Variants in PCDHA13 observed in about 807,000 individuals in gnomAD.
The protein encoded by PCDHA13 is protocadherin alpha-13.
A neutral mutation model predicts 64.8 loss-of-function variants in PCDHA13; 54 were observed. That is an observed-to-expected ratio of 0.83 (90% CI 0.67 to 1.04). The LOEUF is 1.04. Among genes scored for constraint, PCDHA13 ranks in the 50% least tolerant of loss-of-function variants. The pLI is 0.00. For synonymous variants in PCDHA13, 587 were observed against 564.4 expected (o/e 1.04, Z -0.57); for missense variants, 1,248 against 1,254.3 (o/e 0.99, Z 0.08).
chr5:140,915,252 GTTA>G (rs1291041483), intron 1 of PCDHA13, among the ~76,000 whole-genome samples: 2 of 152,012 alleles, frequency 1.3e-5, no homozygotes, highest in African/African-American at 4.8e-5. Flanking sequence ...TGGCCAGGTT[GTTA>G]TTATTTTTGA....
chr5:140,882,333 C>A lies in PCDHA13; in HGVS notation c.65C>A (p.Ala22Glu). ...CTACTGCTCTGGCTTCTGATCCTCG[C>A]AGCCTGGGAGACGGGTAGTGGCCAG... ...RQLLLWLLIL[A>E]AWETGSGQLH... Residue 22 changes from alanine to glutamate, a missense_variant, in exon 1 of 4, where the codon GCA becomes GAA. Physicochemically the swap from Ala to Glu is moderately radical, Grantham distance 107. Coordinates refer to ENST00000289272, the MANE Select transcript of PCDHA13 (RefSeq NM_018904.3). The A allele has an allele frequency of 6.2e-7, 1 of 1,614,220 alleles. No individual in the cohort carries two copies. Among genetic ancestry groups the A allele is most frequent in the Non-Finnish European group, 8.5e-7 (1 of 1,180,048 alleles).
chr5:140,939,499 A>G (rs1467638389), intron 1 of PCDHA13, among the ~76,000 whole-genome samples: 1 of 152,234 alleles, frequency 6.6e-6, no homozygotes, highest in African/African-American at 2.4e-5. Flanking sequence ...TATAAATTCA[A>G]TGTCTATAAC....
intron 1 of PCDHA13, chr5:140,928,060 T>C: frequency 6.2e-7 from 1 of 1,614,204 alleles, no homozygotes; most frequent in Non-Finnish European, 8.5e-7. Flanking sequence ...GCTGACGGCT[T>C]CCTTTGACAA....
At chr5:140,925,108 G>GGAGGGAA (rs1554202548) in intron 1 of PCDHA13, among the ~76,000 whole-genome samples, 1 of 124,702 alleles carries the variant, frequency 8.0e-6, no homozygotes, top group African/African-American at 3.3e-5. Context: ...GAAGGAAGGA[G>GGAGGGAA]GGAAGGAAGG....
chr5:140,968,798 G>A, intron 1 of PCDHA13: 3 of 1,614,232 alleles, frequency 1.9e-6, no homozygotes, highest in Non-Finnish European at 2.5e-6. Context: ...GGCCATTACA[G>A]TAGCTGTGGT....
intron 1 of PCDHA13, among the ~76,000 whole-genome samples, chr5:140,917,329 G>C (rs543216216): frequency 3.5e-5 from 5 of 143,930 alleles, no homozygotes; most frequent in South Asian, 2.2e-4. Flanking sequence ...TGTGGCGGGG[G>C]AGGGGGGGGA....
At chr5:140,954,297 C>T (rs1369831854) in intron 1 of PCDHA13, among the ~76,000 whole-genome samples, 2 of 152,180 alleles carry the variant, frequency 1.3e-5, no homozygotes, top group African/African-American at 4.8e-5. Flanking sequence ...TGGGTACATA[C>T]CCAGTAATGG....
At position 141,003,197 on chromosome 5, in the gene PCDHA13, C is replaced by T. The variant is rs77453404; in HGVS notation, c.2543-6430C>T. 6.7e-3 allele frequency among the ~76,000 whole-genome samples: 1,024 copies of T among 152,320 alleles called. 13 individuals are homozygous for T. Among genetic ancestry groups the T allele is most frequent in the African/African-American group, 0.024 (986 of 41,560 alleles). On this transcript the variant is annotated intron_variant, in intron 3 of 3. Transcript: ENST00000289272. ...GGCTCAACTCCATCAACTCAGGCAGCCAGGGTTAGTTTAGCATGAAAGAGG... is the reference window on the plus strand; with the variant it reads ...GGCTCAACTCCATCAACTCAGGCAGTCAGGGTTAGTTTAGCATGAAAGAGG...
At chr5:140,927,400 C>A in intron 1 of PCDHA13, 1 of 1,614,126 alleles carries the variant, frequency 6.2e-7, no homozygotes, top group Non-Finnish European at 8.5e-7. Context: ...TCAGCACTTT[C>A]GCCTGGACAT....
At chr5:141,005,114 G>A (rs2098198000) in intron 3 of PCDHA13, among the ~76,000 whole-genome samples, 2 of 152,042 alleles carry the variant, frequency 1.3e-5, no homozygotes, top group African/African-American at 2.4e-5. Flanking sequence ...TTGTCTTTAG[G>A]GACCCCAAAA....
chr5:140,914,957 T>C (rs1355119889), intron 1 of PCDHA13, among the ~76,000 whole-genome samples: 1 of 150,770 alleles, frequency 6.6e-6, no homozygotes, highest in Non-Finnish European at 1.5e-5. Flanking sequence ...TTTTTTTTTT[T>C]TTTTTCTGAG....
intron 1 of PCDHA13, among the ~76,000 whole-genome samples, chr5:140,893,065 A>G (rs2063802609): frequency 6.6e-6 from 1 of 152,226 alleles, no homozygotes; most frequent in South Asian, 2.1e-4. Context: ...TACTGCCATG[A>G]ATAACAGGAT....
At position 140,883,356 on chromosome 5, in the gene PCDHA13, C is replaced by T. The variant is rs147755059; in HGVS notation, c.1088C>T (p.Thr363Ile). 1.9e-5 allele frequency: 31 copies of T among 1,614,190 alleles called. No homozygotes were observed. Among genetic ancestry groups the T allele is most frequent in the Non-Finnish European group, 2.3e-5 (27 of 1,180,034 alleles). ...TTGTCACTCCCCATCAGAGAAGACA[C>T]TCAGCCTAGCGCCATTATTGCCCTA... is the stretch of plus-strand genomic sequence containing the variant. ...TSLSLPIRED[T>I]QPSAIIALIS... Residue 363 changes from threonine (T) to isoleucine (I), a missense_variant, in exon 1 of 4, where the codon ACT becomes ATT. By Grantham distance (89) the Thr-to-Ile change is moderately conservative. Transcript: ENST00000289272.
intron 1 of PCDHA13, among the ~76,000 whole-genome samples, chr5:140,933,883 T>C (rs376864592): frequency 1.3e-5 from 2 of 152,084 alleles, no homozygotes; most frequent in East Asian, 1.9e-4. Context: ...GTTTTATCTG[T>C]ACTTTTGAAT....
At chr5:141,004,255 G>T (rs782648685) in intron 3 of PCDHA13, among the ~76,000 whole-genome samples, 2 of 152,190 alleles carry the variant, frequency 1.3e-5, no homozygotes, top group Non-Finnish European at 2.9e-5. Flanking sequence ...TTGTTTTACT[G>T]GAATGAGTCA....
chr5:140,970,527 ATG>A (rs1270257257), intron 1 of PCDHA13, among the ~76,000 whole-genome samples: 2 of 151,436 alleles, frequency 1.3e-5, no homozygotes, highest in African/African-American at 4.9e-5. Context: ...GTAGATGAAT[ATG>A]TGTGTGTGTT....
intron 1 of PCDHA13, among the ~76,000 whole-genome samples, chr5:140,969,836 T>C (rs1349045341): frequency 6.6e-6 from 1 of 152,224 alleles, no homozygotes; most frequent in Non-Finnish European, 1.5e-5. Flanking sequence ...ACAGTGGAAA[T>C]TATCTAGTTA....
intron 1 of PCDHA13, chr5:140,968,169 G>A (rs781969621): frequency 6.8e-6 from 11 of 1,613,982 alleles, no homozygotes; most frequent in African/African-American, 1.3e-5. Context: ...AATCCACCAA[G>A]CTTCCTGGAG....
At chr5:141,006,188 A>C (rs1319299509) in intron 3 of PCDHA13, among the ~76,000 whole-genome samples, 2 of 150,182 alleles carry the variant, frequency 1.3e-5, no homozygotes, top group Admixed American at 6.7e-5. Flanking sequence ...AGAGTTTGCT[A>C]TATGTATGTT....
Sources: allele counts gnomAD v4.1 joint callset (sites outside exome capture counted in the v4.1 genomes callset), GRCh38; gene constraint gnomAD v4.1.1; transcripts MANE v1.5; gene names NCBI Gene and HGNC (gene_info 2026-07-23, HGNC 2026-07-21).